The following PLXNA2 variants were observed in gnomAD, a reference collection of about 807,000 sequenced individuals.
The protein encoded by PLXNA2 is plexin-A2.
A neutral mutation model predicts 193.5 loss-of-function variants in PLXNA2; 91 were observed. The ratio of observed to expected loss-of-function variants is 0.47; its 90% CI spans 0.40 to 0.56. The LOEUF is 0.56. Among genes scored for constraint, PLXNA2 ranks in the 20% least tolerant of loss-of-function variants. The probability of loss-of-function intolerance (pLI) is 0.00; values close to 1 mark genes in which losing one functional copy is unlikely to be tolerated. For missense variants in PLXNA2, 1,995 were observed against 2,503.2 expected, an observed-to-expected ratio of 0.80 and a Z score of 4.33; for synonymous variants, 997 against 1,027.3, an observed-to-expected ratio of 0.97 and a Z score of 0.56.
At chr1:208,119,970 C>T (rs188179882) in intron 4 of PLXNA2, among the ~76,000 whole-genome samples, 2 of 152,300 alleles carry the variant, frequency 1.3e-5, no homozygotes, top group Non-Finnish European at 2.9e-5. Flanking sequence ...GGTCCAGAAC[C>T]GGAGGGAGGT....
At chr1:208,143,746 C>T (rs748240040) in intron 3 of PLXNA2, among the ~76,000 whole-genome samples, 1 of 151,858 alleles carries the variant, frequency 6.6e-6, no homozygotes, top group Non-Finnish European at 1.5e-5. Flanking sequence ...TTTTGCCAGA[C>T]ATTTTGTCCT....
At chr1:208,039,570 G>A (rs576060678) in intron 24 of PLXNA2, 51 bp downstream of exon 24, 4 of 1,609,002 alleles carry the variant, frequency 2.5e-6, no homozygotes, top group South Asian at 2.2e-5. Context: ...GCAGAGCAAG[G>A]GGCAGAAGTA....
In PLXNA2 at chr1:208,025,784, G is replaced by A. The variant is rs1000042537; in HGVS notation, c.*1459C>T. ...CACTCAGGAGAATTGGTTATCCATA[G>A]TTTTAGGCATCATCAGAAGAGACAG... On this transcript the variant is annotated 3_prime_UTR_variant, in exon 32 of 32. Transcript: ENST00000367033. 4 of 152,256 alleles carry A rather than the reference G, an allele frequency of 2.6e-5. No individual in the cohort carries two copies. Among genetic ancestry groups the A allele is most frequent in the African/African-American group, 4.8e-5 (2 of 41,460 alleles). The allele number at this position is 152,256 out of a possible 1,614,324, so 9.4% of individuals were successfully genotyped here.
chr1:208,184,636 T>A (rs1669942425), intron 3 of PLXNA2, among the ~76,000 whole-genome samples: 1 of 152,056 alleles, frequency 6.6e-6, no homozygotes, highest in Admixed American at 6.6e-5. Context: ...ATGAGAGATG[T>A]TAAAGCCAGA....
chr1:208,064,413 T>A (rs960104143), intron 12 of PLXNA2, among the ~76,000 whole-genome samples: 13 of 152,242 alleles, frequency 8.5e-5, no homozygotes, highest in African/African-American at 2.9e-4. Context: ...GTCTTTCTGG[T>A]TCTGATCCCT....
chr1:208,044,386 G>A lies in PLXNA2; in HGVS notation c.3874+122C>T, dbSNP rs1194072765. On this transcript the variant is annotated intron_variant, in intron 20 of 31. Coordinates refer to ENST00000367033, the MANE Select transcript of PLXNA2 (RefSeq NM_025179.4). The surrounding 1 kb of genome is among the most constrained non-coding windows in gnomAD (Gnocchi z 4.9). ...AAGTTCTGGGAAAACAGGGGTGAAAGTGGAATGCAGAGGCATGGCTGGCAG... is the reference window on the plus strand; with the variant it reads ...AAGTTCTGGGAAAACAGGGGTGAAAATGGAATGCAGAGGCATGGCTGGCAG... 1.4e-6 allele frequency: 1 copy of A among 705,164 alleles called. No homozygotes were observed. Among genetic ancestry groups the A allele is most frequent in the East Asian group, 2.7e-5 (1 of 37,208 alleles). The allele number at this position is 705,164 out of a possible 1,614,324, so 43.7% of individuals were successfully genotyped here.
chr1:208,028,732 A>G lies in PLXNA2; in HGVS notation c.5438+98T>C. The G allele has an allele frequency of 8.9e-7, 1 of 1,127,582 alleles. No individual in the cohort carries two copies. The highest frequency in any genetic ancestry group is 1.3e-6 in the Non-Finnish European group (1 of 780,356). The allele number at this position is 1,127,582 out of a possible 1,614,324, so 69.8% of individuals were successfully genotyped here. ...GGGAGTGGGAGGTCCTGAAGAGATGACAGACACCGTCGTCTGAGTCCTTAG... is the reference window on the plus strand; with the variant it reads ...GGGAGTGGGAGGTCCTGAAGAGATGGCAGACACCGTCGTCTGAGTCCTTAG... On this transcript the variant is annotated intron_variant, in intron 30 of 31. Coordinates refer to ENST00000367033, the MANE Select transcript of PLXNA2 (RefSeq NM_025179.4). The surrounding 1 kb of genome is among the most constrained non-coding windows in gnomAD (Gnocchi z 4.2).
chr1:208,081,544 G>A (rs1329529696), intron 11 of PLXNA2, among the ~76,000 whole-genome samples: 1 of 152,182 alleles, frequency 6.6e-6, no homozygotes, highest in African/African-American at 2.4e-5. Context: ...ACAGTGATGT[G>A]GCTCAGTTTG....
intron 4 of PLXNA2, among the ~76,000 whole-genome samples, chr1:208,125,931 T>C (rs1244517143): frequency 6.6e-6 from 1 of 152,118 alleles, no homozygotes; most frequent in Admixed American, 6.5e-5. Context: ...TTGGGGTGGA[T>C]TGAGATGGTT....
chr1:208,076,304 C>G (rs1191872132), intron 12 of PLXNA2, among the ~76,000 whole-genome samples: 1 of 152,078 alleles, frequency 6.6e-6, no homozygotes, highest in Non-Finnish European at 1.5e-5. Context: ...TTCTTGAACT[C>G]CTGGCTTCAA....
chr1:208,083,498 T>C (rs1243479009), intron 10 of PLXNA2, among the ~76,000 whole-genome samples: 11 of 151,728 alleles, frequency 7.2e-5, no homozygotes, highest in Non-Finnish European at 1.0e-4. Context: ...TCATCCTGCC[T>C]TCCCCTTGCG....
rs1227577713 is a variant in PLXNA2 at position 208,092,766 on chromosome 1, T to G, written c.2097+20A>C. 6.5e-7 allele frequency: 1 copy of G among 1,544,882 alleles called. No individual in the cohort carries two copies. The highest frequency in any genetic ancestry group is 1.7e-5 in the Admixed American group (1 of 59,690). ...CAGACTCACTGGGAACACTGCCATG[T>G]TAGGGTAAGCCCTTCTTACCTCTGA... On this transcript the variant is annotated intron_variant, in intron 9 of 31. Coordinates refer to ENST00000367033, the MANE Select transcript of PLXNA2 (RefSeq NM_025179.4).
intron 4 of PLXNA2, among the ~76,000 whole-genome samples, chr1:208,125,536 T>A (rs1368218216): frequency 6.6e-6 from 1 of 152,204 alleles, no homozygotes; most frequent in Non-Finnish European, 1.5e-5. Context: ...ATTTTCTCCA[T>A]TAATCTGGGC....
At chr1:208,041,432 G>T (rs1371715681) in intron 22 of PLXNA2, among the ~76,000 whole-genome samples, 12 of 152,360 alleles carry the variant, frequency 7.9e-5, no homozygotes, top group African/African-American at 2.9e-4. Context: ...GGCATGTGTA[G>T]TGGATGCTGT....
chr1:208,173,590 G>A (rs1371552964), intron 3 of PLXNA2, among the ~76,000 whole-genome samples: 1 of 152,178 alleles, frequency 6.6e-6, no homozygotes, highest in African/African-American at 2.4e-5. Flanking sequence ...CAGTCTACCA[G>A]CAAGGGGACA....
chr1:208,071,490 G>A (rs1338902337), intron 12 of PLXNA2, among the ~76,000 whole-genome samples: 1 of 152,182 alleles, frequency 6.6e-6, no homozygotes, highest in African/African-American at 2.4e-5. Flanking sequence ...AGCAAATTGT[G>A]GCATTCTTTT....
intron 3 of PLXNA2, among the ~76,000 whole-genome samples, chr1:208,191,038 G>T (rs1670161720): frequency 6.6e-6 from 1 of 152,192 alleles, no homozygotes; most frequent in Admixed American, 6.5e-5. Flanking sequence ...GCTAAGTGAG[G>T]CTAAAGGATT....
intron 3 of PLXNA2, among the ~76,000 whole-genome samples, chr1:208,180,254 A>T (rs993549306): frequency 6.6e-6 from 1 of 151,616 alleles, no homozygotes; most frequent in Non-Finnish European, 1.5e-5. Flanking sequence ...AAAGGCCATT[A>T]TATGGGAGGA....
intron 1 of PLXNA2, among the ~76,000 whole-genome samples, chr1:208,240,844 G>C (rs150957525): frequency 2.4e-4 from 37 of 152,206 alleles, no homozygotes; most frequent in African/African-American, 7.7e-4. Context: ...GCCTCAGTTC[G>C]TGTGTGTGGA....
Sources: gnomAD v4.1 joint callset for allele counts (sites outside exome capture counted in the v4.1 genomes callset) on GRCh38, gnomAD v4.1.1 for gene constraint, Gnocchi (gnomAD v3.1) non-coding constraint, MANE v1.5 for transcripts, NCBI Gene and HGNC (gene_info 2026-07-23, HGNC 2026-07-21) for gene names.